The following HGD variants were observed in gnomAD, a reference collection of about 807,000 sequenced individuals.
HGD encodes the protein homogentisate 1,2-dioxygenase, also known as homogentisate oxidase.
Under a neutral mutation model 60.8 loss-of-function variants are expected in HGD, and 61 were observed. The ratio of observed to expected loss-of-function variants is 1.00; its 90% CI spans 0.82 to 1.24. The LOEUF (loss-of-function observed/expected upper bound fraction) is 1.24, where lower values mean the gene tolerates loss of function less well. Among genes scored for constraint, HGD ranks in the 50% most tolerant of loss-of-function variants. The pLI is 0.00. For missense variants in HGD, 542 were observed against 547.1 expected (o/e 0.99, Z 0.09); for synonymous variants, 212 against 187.7 (o/e 1.13, Z -1.06).
At chr3:120,635,476 C>CAAAAAAA (rs149923580) in intron 12 of HGD, among the ~76,000 whole-genome samples, 2 of 64,436 alleles carry the variant, frequency 3.1e-5, no homozygotes, top group Non-Finnish European at 5.6e-5. Context: ...GATTCCGTCT[C>CAAAAAAA]AAAAAAAAAA....
chr3:120,679,942 C>A (rs1006680087), intron 1 of HGD, among the ~76,000 whole-genome samples: 1 of 152,170 alleles, frequency 6.6e-6, no homozygotes. Context: ...TTTTTTACAG[C>A]AGCAAGAGGA....
At chr3:120,652,526 A>ATGGT in intron 5 of HGD, 66 bp downstream of exon 5, 1 of 1,220,696 alleles carries the variant, frequency 8.2e-7, no homozygotes, top group Non-Finnish European at 1.2e-6. Context: ...CAGGCTGCAA[A>ATGGT]TGGTTGGCTC....
chr3:120,631,553 G>A (rs889767254), intron 13 of HGD, among the ~76,000 whole-genome samples: 1 of 152,068 alleles, frequency 6.6e-6, no homozygotes, highest in Admixed American at 6.5e-5. Context: ...CACATACAAG[G>A]ATCATTATGG....
At chr3:120,678,674 A>G (rs1708177654) in intron 1 of HGD, among the ~76,000 whole-genome samples, 1 of 152,210 alleles carries the variant, frequency 6.6e-6, no homozygotes, top group Non-Finnish European at 1.5e-5. Flanking sequence ...CCGTTTCTCA[A>G]TCTTAGCTGC....
intron 4 of HGD, 73 bp downstream of exon 4, chr3:120,670,354 T>A: frequency 1.2e-6 from 1 of 805,912 alleles, no homozygotes; most frequent in Middle Eastern, 2.2e-4. Context: ...CCAATGACCA[T>A]GGTATTCTAT....
intron 1 of HGD, among the ~76,000 whole-genome samples, chr3:120,680,418 T>C (rs1033494338): frequency 2.0e-5 from 3 of 152,234 alleles, no homozygotes; most frequent in Non-Finnish European, 4.4e-5. Context: ...CAGGGAAGAA[T>C]GCCTTTGAAA....
At chr3:120,671,873 G>A (rs974568988) in intron 3 of HGD, among the ~76,000 whole-genome samples, 7 of 151,804 alleles carry the variant, frequency 4.6e-5, no homozygotes, top group Admixed American at 3.3e-4. Context: ...TATTCTCAGC[G>A]AACTAAAGCA....
chr3:120,639,232 T>A (rs1467109208), intron 11 of HGD, among the ~76,000 whole-genome samples: 3 of 152,170 alleles, frequency 2.0e-5, no homozygotes, highest in African/African-American at 7.2e-5. Flanking sequence ...GTCTCCAGTG[T>A]CTATTTTTCT....
At chr3:120,632,931 A>G (rs1940633914) in intron 13 of HGD, among the ~76,000 whole-genome samples, 1 of 152,020 alleles carries the variant, frequency 6.6e-6, no homozygotes, top group Non-Finnish European at 1.5e-5. Context: ...CCCAGGTCTG[A>G]CTCCAAGTCC....
intron 4 of HGD, among the ~76,000 whole-genome samples, chr3:120,659,936 GAGAGAGT>G (rs1941608687): frequency 1.1e-4 from 14 of 123,118 alleles, no homozygotes; most frequent in East Asian, 2.6e-4. Flanking sequence ...GCAGGAGCAA[GAGAGAGT>G]GGGGGGTGGT....
chr3:120,637,029 A>G (rs1343607978), intron 12 of HGD, among the ~76,000 whole-genome samples: 1 of 152,232 alleles, frequency 6.6e-6, no homozygotes, highest in Admixed American at 6.5e-5. Flanking sequence ...TTGACCTTTG[A>G]TTGGATTTTC....
At chr3:120,657,847 G>GAGAA (rs1941544555) in intron 4 of HGD, among the ~76,000 whole-genome samples, 1 of 151,866 alleles carries the variant, frequency 6.6e-6, no homozygotes, top group Non-Finnish European at 1.5e-5. Context: ...GAAAGAGAGA[G>GAGAA]AGAAAGAAAG....
intron 12 of HGD, chr3:120,633,557 C>T (rs1026772992): frequency 3.4e-5 from 50 of 1,463,660 alleles, no homozygotes; most frequent in African/African-American, 9.8e-5. Context: ...TCAGAGGTCT[C>T]GAGTTCCACT....
At chr3:120,636,073 C>A (rs1303225380) in intron 12 of HGD, among the ~76,000 whole-genome samples, 2 of 149,288 alleles carry the variant, frequency 1.3e-5, no homozygotes, top group Non-Finnish European at 3.0e-5. Context: ...GAGTTCAAGA[C>A]CAGCCTGGGC....
At chr3:120,644,557 C>G in intron 9 of HGD, 114 bp from the exon 10 acceptor site, 1 of 1,572,658 alleles carries the variant, frequency 6.4e-7, no homozygotes, top group Non-Finnish European at 8.6e-7. Context: ...CCACAAATTG[C>G]TTTCATTGCT....
intron 3 of HGD, among the ~76,000 whole-genome samples, chr3:120,673,225 C>T (rs889761082): frequency 6.6e-6 from 1 of 152,172 alleles, no homozygotes; most frequent in Non-Finnish European, 1.5e-5. Flanking sequence ...ACTCCCCAGG[C>T]AGTACTACAT....
intron 12 of HGD, among the ~76,000 whole-genome samples, chr3:120,637,878 A>T (rs995279448): frequency 3.3e-5 from 5 of 152,166 alleles, no homozygotes; most frequent in Non-Finnish European, 7.4e-5. Flanking sequence ...GTTTGGATGT[A>T]TGTTCCCTCC....
chr3:120,675,813 T>C lies in HGD; in HGVS notation c.66A>G (p.Pro22=). 1 of 1,613,646 alleles carries C rather than the reference T, an allele frequency of 6.2e-7. No homozygotes were observed. The highest frequency in any genetic ancestry group is 8.5e-7 in the Non-Finnish European group (1 of 1,179,620). The change falls in exon 2 of 14, where the codon CCA becomes CCG. Residue 22 remains proline (P), a synonymous_variant. Coordinates refer to ENST00000283871, the MANE Select transcript of HGD (RefSeq NM_000187.4). The part of the protein sequence containing the change: ...NECSSEDPRC[P]GSLPEGQNNP... ...ATACCTGTCCTTCTGGCAGGGAACC[T>C]GGGCAGCGAGGATCCTCTGAAGAAC...
At chr3:120,674,714 T>C in intron 3 of HGD, 187 bp downstream of exon 3, 3 of 588,420 alleles carry the variant, frequency 5.1e-6, no homozygotes. Context: ...CTTCACCTTC[T>C]TCCACCAGTC....
Sources: allele counts gnomAD v4.1 joint callset (sites outside exome capture counted in the v4.1 genomes callset), GRCh38; gene constraint gnomAD v4.1.1; transcripts MANE v1.5; gene names NCBI Gene and HGNC (gene_info 2026-07-23, HGNC 2026-07-21).